RABGAP1L: variants seen among roughly 807,000 people sequenced by gnomAD.
RABGAP1L encodes the protein RAB GTPase activating protein 1 like.
RABGAP1L carries 63 observed loss-of-function variants against 137.7 expected under a neutral mutation model. That is an observed-to-expected ratio of 0.46 (90% CI 0.37 to 0.56). The LOEUF (loss-of-function observed/expected upper bound fraction) is 0.56, where lower values mean the gene tolerates loss of function less well. RABGAP1L is among the 20% of genes least tolerant of loss of function. The pLI is 0.00. For missense variants in RABGAP1L, 1,095 were observed against 1,244.0 expected (o/e 0.88, Z 1.80); for synonymous variants, 431 against 433.7 (o/e 0.99, Z 0.08).
At chr1:174,877,942 T>G (rs1228011583) in intron 19 of RABGAP1L, among the ~76,000 whole-genome samples, 1 of 152,242 alleles carries the variant, frequency 6.6e-6, no homozygotes, top group African/African-American at 2.4e-5. Flanking sequence ...GTAACGTTTC[T>G]ACCAGTGAGT....
chr1:174,539,575 G>C (rs1360025419), intron 13 of RABGAP1L, among the ~76,000 whole-genome samples: 1 of 152,178 alleles, frequency 6.6e-6, no homozygotes, highest in Non-Finnish European at 1.5e-5. Flanking sequence ...AGTTTGCTCA[G>C]AATGATGGTT....
intron 13 of RABGAP1L, among the ~76,000 whole-genome samples, chr1:174,608,835 A>C (rs1447252131): frequency 6.6e-6 from 1 of 152,196 alleles, no homozygotes; most frequent in Admixed American, 6.5e-5. Context: ...GAAATAGTTT[A>C]GGCATAAAGT....
At chr1:174,783,799 C>T (rs554945245) in intron 18 of RABGAP1L, among the ~76,000 whole-genome samples, 1 of 147,488 alleles carries the variant, frequency 6.8e-6, no homozygotes, top group Non-Finnish European at 1.5e-5. Flanking sequence ...ACCTCCACCT[C>T]CCGAGTTCAA....
At chr1:174,650,585 T>A (rs533074651) in intron 14 of RABGAP1L, among the ~76,000 whole-genome samples, 1 of 152,044 alleles carries the variant, frequency 6.6e-6, no homozygotes, top group East Asian at 1.9e-4. Context: ...GTCGAGGAAT[T>A]TATCCATTTC....
rs369445249 is a variant in RABGAP1L, at chr1:174,967,813, AATTCT to A, written c.2434-1460_2434-1456del. 3.0e-4 allele frequency among the ~76,000 whole-genome samples: 46 copies of A among 152,162 alleles called. No homozygotes were observed. The East Asian group carries it at 7.3e-3, about 24-fold the overall frequency. ...TCTCCAGTATTTTAACACTGAGTAG[AATTCT>A]ATTGTGAATTTATTTAAAGTATTAA... On this transcript the variant is annotated intron_variant, in intron 20 of 25. Transcript: ENST00000681986.
intron 14 of RABGAP1L, among the ~76,000 whole-genome samples, chr1:174,661,688 GT>G (rs2148420733): frequency 6.6e-6 from 1 of 152,268 alleles, no homozygotes; most frequent in South Asian, 2.1e-4. Context: ...ATGGCTGTGT[GT>G]GTGTGTCTAG....
intron 13 of RABGAP1L, among the ~76,000 whole-genome samples, chr1:174,559,694 G>A (rs1003608944): frequency 6.6e-6 from 1 of 152,296 alleles, no homozygotes; most frequent in Admixed American, 6.5e-5. Context: ...TTTTGGTTCT[G>A]GTTCTATTGA....
Position 174,988,731 on chromosome 1 carries a change from A to G in RABGAP1L, c.2896A>G (p.Ile966Val). The change falls in exon 25 of 26, where the codon ATT becomes GTT. Residue 966 changes from isoleucine (I) to valine (V), a missense_variant. Physicochemically the swap from Ile to Val is conservative, Grantham distance 29. This residue lies in a region of RABGAP1L where 312 missense variants were observed against 435.6 expected (regional missense o/e 0.72). Transcript: ENST00000681986. Reference protein sequence around the residue: ...LAATGREDQGIETDDEKDSLK... With the variant: ...LAATGREDQGVETDDEKDSLK... Reference sequence around the variant, plus strand: ...AGCCACAGGCAGAGAGGACCAGGGAATTGAAACAGATGATGAGAAGGACTC... The same window carrying G: ...AGCCACAGGCAGAGAGGACCAGGGAGTTGAAACAGATGATGAGAAGGACTC... 1 of 1,549,796 alleles carries G rather than the reference A, an allele frequency of 6.5e-7. No homozygotes were observed. The highest frequency in any genetic ancestry group is 1.4e-5 in the African/African-American group (1 of 73,112).
intron 19 of RABGAP1L, among the ~76,000 whole-genome samples, chr1:174,869,403 C>T (rs1008664465): frequency 6.6e-6 from 1 of 152,102 alleles, no homozygotes; most frequent in Admixed American, 6.6e-5. Context: ...TTATAAGCAT[C>T]TGGCATTTCC....
At chr1:174,254,414 G>C (rs1672949954) in intron 7 of RABGAP1L, among the ~76,000 whole-genome samples, 1 of 152,042 alleles carries the variant, frequency 6.6e-6, no homozygotes, top group Non-Finnish European at 1.5e-5. Context: ...GTGGTTTACT[G>C]TACCCATCAG....
At chr1:174,962,201 C>CG (rs1553295767) in intron 20 of RABGAP1L, among the ~76,000 whole-genome samples, 6 of 108,062 alleles carry the variant, frequency 5.6e-5, no homozygotes, top group African/African-American at 1.7e-4. Flanking sequence ...AATACACCCC[C>CG]CCCCCACACA....
chr1:174,624,820 A>G (rs1301416274), intron 13 of RABGAP1L, among the ~76,000 whole-genome samples: 1 of 151,666 alleles, frequency 6.6e-6, no homozygotes, highest in Non-Finnish European at 1.5e-5. Flanking sequence ...TCAGAGAGGC[A>G]AAACCACCCT....
chr1:174,367,697 A>G lies in RABGAP1L; in HGVS notation c.1466-3282A>G, dbSNP rs181568560. ...CTTGTCACTTAGACGTGGACAATACATACATAGGACTAATTCCTTTTCCAA... is the reference window on the plus strand; with the variant it reads ...CTTGTCACTTAGACGTGGACAATACGTACATAGGACTAATTCCTTTTCCAA... On this transcript the variant is annotated intron_variant, in intron 11 of 25. Coordinates refer to ENST00000681986, the MANE Select transcript of RABGAP1L (RefSeq NM_001366446.1). 197 of 207,488 alleles carry G rather than the reference A, an allele frequency of 9.5e-4. 3 individuals carry two copies. In the Admixed American group the frequency reaches 0.012, roughly 12 times the overall value. The allele number at this position is 207,488 out of a possible 1,614,324, so 12.9% of individuals were successfully genotyped here.
intron 18 of RABGAP1L, among the ~76,000 whole-genome samples, chr1:174,757,813 C>G (rs1684882925): frequency 6.6e-6 from 1 of 151,654 alleles, no homozygotes; most frequent in African/African-American, 2.4e-5. Context: ...TGAATTAGGT[C>G]AAGGGTTCGA....
chr1:174,405,820 A>T (rs1166601164), intron 13 of RABGAP1L, among the ~76,000 whole-genome samples: 1 of 152,026 alleles, frequency 6.6e-6, no homozygotes, highest in East Asian at 1.9e-4. Flanking sequence ...TCTACAAAAA[A>T]TACAAAAATT....
chr1:174,250,661 G>T (rs41265242), intron 6 of RABGAP1L, 29 bp downstream of exon 6: 177,534 of 1,599,380 alleles, frequency 0.11, 11,002 homozygotes, highest in East Asian at 0.22. Context: ...TTAAAAATTC[G>T]CATTGTATCT....
chr1:174,400,217 C>T (rs1246698420), intron 13 of RABGAP1L, among the ~76,000 whole-genome samples: 1 of 152,130 alleles, frequency 6.6e-6, no homozygotes, highest in East Asian at 1.9e-4. Flanking sequence ...ATTACTTACT[C>T]TCTATCTTTT....
At chr1:174,425,746 C>CT (rs1651872619) in intron 13 of RABGAP1L, among the ~76,000 whole-genome samples, 1 of 151,936 alleles carries the variant, frequency 6.6e-6, no homozygotes, top group African/African-American at 2.4e-5. Context: ...ATTGAAGTTT[C>CT]TTTTAACTCT....
chr1:174,657,880 T>A (rs1034535599), intron 14 of RABGAP1L, among the ~76,000 whole-genome samples: 7 of 152,162 alleles, frequency 4.6e-5, no homozygotes, highest in African/African-American at 1.7e-4. Flanking sequence ...AATTAAACAG[T>A]TGCCTGTAAC....
Sources: allele counts gnomAD v4.1 joint callset (sites outside exome capture counted in the v4.1 genomes callset), GRCh38; gene constraint gnomAD v4.1.1; regional missense constraint gnomAD v4.1.1; transcripts MANE v1.5; gene names NCBI Gene and HGNC (gene_info 2026-07-23, HGNC 2026-07-21).